Variants in PIWIL4 observed in about 807,000 individuals in gnomAD.
PIWIL4 encodes piwi-like protein 4.
A neutral mutation model predicts 100.9 loss-of-function variants in PIWIL4; 50 were observed. That is an observed-to-expected ratio of 0.50 (90% CI 0.39 to 0.63). PIWIL4 has a LOEUF of 0.63. Ranked by LOEUF, PIWIL4 falls within the 20% of genes least tolerant of loss-of-function variation. The pLI is 0.00. For missense variants in PIWIL4, 887 were observed against 1,043.3 expected (o/e 0.85, Z 2.06); for synonymous variants, 342 against 367.5 (o/e 0.93, Z 0.79).
intron 10 of PIWIL4, among the ~76,000 whole-genome samples, chr11:94,596,011 C>G (rs1591792932): frequency 6.6e-6 from 1 of 152,178 alleles, no homozygotes; most frequent in East Asian, 1.9e-4. Flanking sequence ...TAAAACTGGA[C>G]TATCTAGGGT....
intron 15 of PIWIL4, among the ~76,000 whole-genome samples, chr11:94,611,754 G>A (rs1452563173): frequency 6.6e-6 from 1 of 152,150 alleles, no homozygotes; most frequent in African/African-American, 2.4e-5. Flanking sequence ...CTTTCACCAT[G>A]TGACACCCTG....
At chr11:94,569,647 G>C (rs1948121376) in intron 2 of PIWIL4, among the ~76,000 whole-genome samples, 1 of 152,114 alleles carries the variant, frequency 6.6e-6, no homozygotes, top group Admixed American at 6.5e-5. Context: ...CAAAGTGCTG[G>C]GATTACAGGT....
intron 4 of PIWIL4, among the ~76,000 whole-genome samples, chr11:94,580,890 C>CTTTTTTTTTTTTT (rs956802836): frequency 1.3e-5 from 1 of 78,942 alleles, no homozygotes; most frequent in African/African-American, 5.4e-5. Flanking sequence ...CTCTGCCAGG[C>CTTTTTTTTTTTTT]TTTTTTTTTT....
intron 12 of PIWIL4, 90 bp downstream of exon 12, chr11:94,602,069 A>G: frequency 8.1e-7 from 1 of 1,231,518 alleles, no homozygotes; most frequent in Non-Finnish European, 1.1e-6. Flanking sequence ...AAGCTTCTTT[A>G]TCCCAGTAGT....
At chr11:94,610,886 C>T (rs1948781312) in intron 15 of PIWIL4, among the ~76,000 whole-genome samples, 1 of 152,040 alleles carries the variant, frequency 6.6e-6, no homozygotes, top group Non-Finnish European at 1.5e-5. Flanking sequence ...TTTATGTTTT[C>T]TTCTAGAAGT....
chr11:94,603,917 A>G (rs1948680673), intron 12 of PIWIL4, 67 bp from the exon 13 acceptor site: 2 of 920,090 alleles, frequency 2.2e-6, no homozygotes, highest in South Asian at 1.6e-5. Context: ...TATTATTTCT[A>G]ATGCCATATA....
rs1948463097 is a variant in PIWIL4, at chr11:94,590,112, CAGGAAAAGCTCTTTTTCTCCTT to C, written c.1026+883_1026+904del. Among the ~76,000 whole-genome samples, 2 of 152,322 alleles carry C rather than the reference CAGGAAAAGCTCTTTTTCTCCTT, an allele frequency of 1.3e-5. 1 individual carries two copies. Among genetic ancestry groups the C allele is most frequent in the South Asian group, 4.1e-4 (2 of 4,830 alleles). ...CCCTTTCTTGATCATTGTACACTTT[CAGGAAAAGCTCTTTTTCTCCTT>C]AGCTAACTTTAGAAAGTCATTTACA... On this transcript the variant is annotated intron_variant, in intron 8 of 19. Coordinates refer to ENST00000299001, the MANE Select transcript of PIWIL4 (RefSeq NM_152431.3).
In PIWIL4 at chr11:94,620,056, A is replaced by G. The variant is rs769170388; in HGVS notation, c.2354A>G (p.Tyr785Cys). 7 of 1,614,090 alleles carry G rather than the reference A, an allele frequency of 4.3e-6. No individual in the cohort carries two copies. Among genetic ancestry groups the G allele is most frequent in the Non-Finnish European group, 5.9e-6 (7 of 1,179,986 alleles). ...ACRGTVSPTY[Y>C]NVIYDDNGLK... is the part of the protein sequence containing the mutation. Reference sequence around the variant, plus strand: ...CGGGGAACTGTTAGTCCTACCTACTATAATGTCATCTATGATGACAACGGC... The same window carrying G: ...CGGGGAACTGTTAGTCCTACCTACTGTAATGTCATCTATGATGACAACGGC... Residue 785 changes from tyrosine to cysteine, a missense_variant, in exon 19 of 20, where the codon TAT becomes TGT. Physicochemically the swap from Tyr to Cys is radical, Grantham distance 194. Transcript: ENST00000299001.
At chr11:94,619,947 C>T in intron 18 of PIWIL4, 50 bp from the exon 19 acceptor site, 1 of 1,614,070 alleles carries the variant, frequency 6.2e-7, no homozygotes, top group African/African-American at 1.3e-5. Flanking sequence ...TTATGTTTGA[C>T]CTTATTCTGT....
chr11:94,573,573 T>C (rs1380911298), intron 2 of PIWIL4, among the ~76,000 whole-genome samples: 2 of 152,170 alleles, frequency 1.3e-5, no homozygotes, highest in Admixed American at 6.5e-5. Context: ...TTGGTTCTGT[T>C]TATGTGATGG....
Position 94,567,438 on chromosome 11 carries a change from C to T in PIWIL4, c.-81C>T, listed in dbSNP as rs987822247. 8.6e-6 allele frequency: 11 copies of T among 1,274,060 alleles called. No individual in the cohort carries two copies. The African/African-American group carries it at 1.5e-4, about 17-fold the overall frequency. 78.9% of individuals were successfully genotyped at this position (1,274,060 alleles called of 1,614,324 possible). On this transcript the variant is annotated 5_prime_UTR_variant, in exon 1 of 20. Transcript: ENST00000299001. Reference sequence around the variant, plus strand: ...CCTCCAGGCAGTTTCGCCGTCACACCGTCGCCATCTGTAGCCAAAGCAAAA... The same window carrying T: ...CCTCCAGGCAGTTTCGCCGTCACACTGTCGCCATCTGTAGCCAAAGCAAAA...
chr11:94,609,989 T>C (rs1948770470), intron 15 of PIWIL4, among the ~76,000 whole-genome samples: 1 of 152,096 alleles, frequency 6.6e-6, no homozygotes, highest in Admixed American at 6.5e-5. Flanking sequence ...CCAAAACATA[T>C]TCATCTTATA....
At chr11:94,605,725 T>A (rs775123908) in intron 13 of PIWIL4, among the ~76,000 whole-genome samples, 1 of 152,146 alleles carries the variant, frequency 6.6e-6, no homozygotes, top group Admixed American at 6.6e-5. Flanking sequence ...AGGAAGAACT[T>A]TCTCTTCTCC....
chr11:94,593,703 TG>T, intron 9 of PIWIL4, 62 bp downstream of exon 9: 1 of 1,560,858 alleles, frequency 6.4e-7, no homozygotes, highest in Admixed American at 1.8e-5. Context: ...TGCTTGGCAG[TG>T]GGCAGACCCT....
chr11:94,606,202 C>G (rs1274906820), intron 13 of PIWIL4, among the ~76,000 whole-genome samples: 1 of 152,176 alleles, frequency 6.6e-6, no homozygotes, highest in African/African-American at 2.4e-5. Context: ...TCACTCGGCT[C>G]CCATCTTCTC....
At chr11:94,605,575 A>C (rs1948705744) in intron 13 of PIWIL4, among the ~76,000 whole-genome samples, 1 of 152,162 alleles carries the variant, frequency 6.6e-6, no homozygotes, top group Non-Finnish European at 1.5e-5. Flanking sequence ...AGACTATATA[A>C]ATAATCCTGT....
rs751084310 is a variant in PIWIL4 at position 94,593,471 on chromosome 11, C to T, written c.1027-47C>T. 19 of 1,580,530 alleles carry T rather than the reference C, an allele frequency of 1.2e-5. No homozygotes were observed. In the East Asian group the frequency reaches 2.5e-4, roughly 21 times the overall value. ...GTTGAATGTAAGGATGCTCACCTGG[C>T]GGTGCTTCCATGTTAACTTTTTACT... is the stretch of plus-strand genomic sequence containing the variant. On this transcript the variant is annotated intron_variant, in intron 8 of 19. Transcript: ENST00000299001.
At chr11:94,596,353 G>A (rs1948559236) in intron 10 of PIWIL4, among the ~76,000 whole-genome samples, 1 of 151,190 alleles carries the variant, frequency 6.6e-6, no homozygotes, top group Non-Finnish European at 1.5e-5. Context: ...GTGTGTATGT[G>A]TGTTTACTCA....
intron 15 of PIWIL4, 84 bp from the exon 16 acceptor site, chr11:94,616,409 C>G (rs974206187): frequency 6.5e-5 from 76 of 1,177,820 alleles, no homozygotes; most frequent in Admixed American, 1.5e-4. Context: ...CTCATAATCT[C>G]TGTTTCTTAA....
Sources: allele counts gnomAD v4.1 joint callset (sites outside exome capture counted in the v4.1 genomes callset), GRCh38; gene constraint gnomAD v4.1.1; transcripts MANE v1.5; gene names NCBI Gene and HGNC (gene_info 2026-07-23, HGNC 2026-07-21).